Variants in XIRP2 observed in about 807,000 individuals in gnomAD.
XIRP2 encodes the protein xin actin binding repeat containing 2, also known as xin actin-binding repeat-containing protein 2.
Under a neutral mutation model 277.0 loss-of-function variants are expected in XIRP2, and 236 were observed. The ratio of observed to expected loss-of-function variants is 0.85; its 90% CI spans 0.77 to 0.95. XIRP2 has a LOEUF of 0.95. XIRP2 is among the 40% of genes least tolerant of loss of function. XIRP2 has a pLI of 0.00. For missense variants in XIRP2, 4,640 were observed against 4,157.5 expected (o/e 1.12, Z -3.19); for synonymous variants, 1,490 against 1,416.5 (o/e 1.05, Z -1.17).
chr2:167,010,872 G>T (rs548726765), intron 2 of XIRP2, among the ~76,000 whole-genome samples: 4 of 152,054 alleles, frequency 2.6e-5, no homozygotes, highest in Non-Finnish European at 4.4e-5. Flanking sequence ...CTCTCTGTTT[G>T]TCTGTTATTG....
chr2:167,093,306 A>T (rs1174208795), intron 2 of XIRP2, among the ~76,000 whole-genome samples: 1 of 151,718 alleles, frequency 6.6e-6, no homozygotes, highest in Non-Finnish European at 1.5e-5. Context: ...AGATGTACAT[A>T]AGTTTGTGTT....
Position 166,939,694 on chromosome 2 carries a change from A to C in XIRP2, c.408+35804A>C, listed in dbSNP as rs563734882. ...GACTCCATCACAAAAAAAAAAAAAA[A>C]AAAACAAAAAACAAAAACAAAAAAC... is the stretch of plus-strand genomic sequence containing the variant. On this transcript the variant is annotated intron_variant, in intron 2 of 10. Transcript: ENST00000409195. 1.0e-3 allele frequency among the ~76,000 whole-genome samples: 139 copies of C among 134,652 alleles called. 2 individuals carry two copies. Among genetic ancestry groups the C allele is most frequent in the African/African-American group, 3.3e-3 (119 of 35,876 alleles). The allele number at this position is 134,652 out of a possible 152,430, so 88.3% of individuals were successfully genotyped here.
intron 2 of XIRP2, among the ~76,000 whole-genome samples, chr2:166,913,381 T>C (rs1397900739): frequency 6.7e-6 from 1 of 149,740 alleles, no homozygotes; most frequent in Non-Finnish European, 1.5e-5. Flanking sequence ...TGAGTGAGGC[T>C]CCGTGGGCGT....
In XIRP2 at chr2:166,967,190, T is replaced by A. The variant is rs537409421; in HGVS notation, c.408+63300T>A. On this transcript the variant is annotated intron_variant, in intron 2 of 10. Transcript: ENST00000409195. ...ACCATAGTAAAGAAAACACTACAAA[T>A]AAATAAAATAAAACGTTTGCTGAAT... 2.9e-3 allele frequency among the ~76,000 whole-genome samples: 442 copies of A among 151,776 alleles called. 3 individuals are homozygous for A. The highest frequency in any genetic ancestry group is 9.8e-3 in the African/African-American group (407 of 41,442).
chr2:166,935,267 AT>A (rs751892180), intron 2 of XIRP2, among the ~76,000 whole-genome samples: 35 of 152,238 alleles, frequency 2.3e-4, no homozygotes, highest in Non-Finnish European at 4.4e-4. Context: ...ATCTAATGTT[AT>A]AAAAATGCAA....
chr2:166,956,382 T>C (rs1334355350), intron 2 of XIRP2, among the ~76,000 whole-genome samples: 1 of 151,846 alleles, frequency 6.6e-6, no homozygotes, highest in Admixed American at 6.6e-5. Context: ...CCTGGTGTCA[T>C]TTAACTAAGT....
intron 2 of XIRP2, among the ~76,000 whole-genome samples, chr2:167,121,127 G>C (rs1385893532): frequency 6.6e-6 from 1 of 152,122 alleles, no homozygotes; most frequent in African/African-American, 2.4e-5. Flanking sequence ...ACATAGGTCT[G>C]ATATCTTCCA....
In XIRP2 at chr2:167,037,519, GT is replaced by G. The variant is rs1450655855; in HGVS notation, c.409-98389del. 7.1e-3 allele frequency among the ~76,000 whole-genome samples: 546 copies of G among 76,422 alleles called. 4 individuals are homozygous for G. Among genetic ancestry groups the G allele is most frequent in the African/African-American group, 0.025 (499 of 20,212 alleles). The allele number at this position is 76,422 out of a possible 152,430, so 50.1% of individuals were successfully genotyped here. A position where few individuals can be genotyped will look rare whatever the true frequency, so the allele number is the denominator to read the frequency against. ...GGCTTGAGGTTTTTTCATGTGGGGG[GT>G]GTGTGTGTGTGTGTGTGTGTGTGTG... On this transcript the variant is annotated intron_variant, in intron 2 of 10. Coordinates refer to ENST00000409195, the MANE Select transcript of XIRP2 (RefSeq NM_152381.6).
Position 167,244,059 on chromosome 2 carries a change from C to T in XIRP2, c.2667C>T (p.Asp889=). ...CACTTCCAATTGAAGCATTAAAAGACAGTCCTGATATAGGAAAGCTTCAAA... is the reference window on the plus strand; with the variant it reads ...CACTTCCAATTGAAGCATTAAAAGATAGTCCTGATATAGGAAAGCTTCAAA... ...FETLPIEALK[D]SPDIGKLQKI... Residue 889 remains aspartate, a synonymous_variant, in exon 9 of 11, where the codon GAC becomes GAT. Coordinates refer to ENST00000409195, the MANE Select transcript of XIRP2 (RefSeq NM_152381.6). 6.2e-7 allele frequency: 1 copy of T among 1,613,814 alleles called. No individual in the cohort carries two copies. Among genetic ancestry groups the T allele is most frequent in the Non-Finnish European group, 8.5e-7 (1 of 1,179,892 alleles).
In XIRP2 at chr2:166,903,738, A is replaced by G; in HGVS notation, c.256A>G (p.Asn86Asp). 1 of 1,613,642 alleles carries G rather than the reference A, an allele frequency of 6.2e-7. No individual in the cohort carries two copies. Among genetic ancestry groups the G allele is most frequent in the South Asian group, 1.1e-5 (1 of 91,078 alleles). ...GAAGGATTCTGTGGACAAGAGTAAC[A>G]ACACCAGGGAATATGGTCGGCCAGA... ...EEKDSVDKSNNTREYGRPEVL... is the reference protein window; with the variant it reads ...EEKDSVDKSNDTREYGRPEVL... Residue 86 changes from asparagine (N) to aspartate (D), a missense_variant, in exon 2 of 11, where the codon AAC becomes GAC. Physicochemically the swap from Asn to Asp is conservative, Grantham distance 23. Transcript: ENST00000409195.
At position 167,225,732 on chromosome 2, in the gene XIRP2, TAGAC is replaced by T. The variant is rs1470506776; in HGVS notation, c.858+7436_858+7439del. On this transcript the variant is annotated intron_variant, in intron 5 of 10. Coordinates refer to ENST00000409195, the MANE Select transcript of XIRP2 (RefSeq NM_152381.6). ...TCAAGAGGCATATAAATAAGGCTCATAGACAGATTAGATTCAGCAGTCTTACTCT... is the reference window on the plus strand; with the variant it reads ...TCAAGAGGCATATAAATAAGGCTCATAGATTAGATTCAGCAGTCTTACTCT... Among the ~76,000 whole-genome samples, 8 of 152,260 alleles carry T rather than the reference TAGAC, an allele frequency of 5.3e-5. No individual in the cohort carries two copies. In the South Asian group the frequency reaches 1.7e-3, roughly 32 times the overall value.
chr2:167,059,101 C>CTTTTTTTTT (rs572437575), intron 2 of XIRP2, among the ~76,000 whole-genome samples: 10 of 95,966 alleles, frequency 1.0e-4, no homozygotes, highest in East Asian at 3.2e-4. Context: ...TTTTTTTTCT[C>CTTTTTTTTT]TTTTTTTTTT....
chr2:166,928,637 T>A (rs1339345958), intron 2 of XIRP2, among the ~76,000 whole-genome samples: 5 of 152,166 alleles, frequency 3.3e-5, no homozygotes, highest in Non-Finnish European at 7.4e-5. Context: ...TAATTTCTTA[T>A]CTTAATTTCT....
intron 2 of XIRP2, among the ~76,000 whole-genome samples, chr2:166,975,322 A>T (rs1028654432): frequency 6.6e-6 from 1 of 152,206 alleles, no homozygotes. Flanking sequence ...GTGGAACAAT[A>T]CTTCAAACAA....
intron 2 of XIRP2, among the ~76,000 whole-genome samples, chr2:167,013,180 T>A (rs900325676): frequency 3.3e-5 from 5 of 151,518 alleles, no homozygotes; most frequent in Admixed American, 1.3e-4. Context: ...TTAATCAGTT[T>A]ATCAATATAT....
At chr2:166,976,630 C>A (rs976006120) in intron 2 of XIRP2, among the ~76,000 whole-genome samples, 6 of 152,140 alleles carry the variant, frequency 3.9e-5, no homozygotes, top group African/African-American at 1.4e-4. Flanking sequence ...AGTATAACTT[C>A]ATATGTGAAC....
At chr2:166,949,519 T>C (rs1473311890) in intron 2 of XIRP2, among the ~76,000 whole-genome samples, 1 of 152,090 alleles carries the variant, frequency 6.6e-6, no homozygotes. Context: ...TGAGGGGTTT[T>C]GCCTTTTCTT....
chr2:166,908,654 C>T lies in XIRP2; in HGVS notation c.408+4764C>T, dbSNP rs1425173886. The stretch of plus-strand genomic sequence containing the variant: ...ATTTGTCAATTTTGGCTTTTGTTGC[C>T]ACTGCTTTTGGTGTTTTAGACATGA... On this transcript the variant is annotated intron_variant, in intron 2 of 10. Transcript: ENST00000409195. 9.2e-5 allele frequency among the ~76,000 whole-genome samples: 14 copies of T among 152,172 alleles called. 1 individual carries two copies. The Middle Eastern group carries it at 0.014, about 148-fold the overall frequency.
chr2:167,195,393 C>T (rs1693469356), intron 3 of XIRP2, among the ~76,000 whole-genome samples: 1 of 152,190 alleles, frequency 6.6e-6, no homozygotes, highest in Non-Finnish European at 1.5e-5. Flanking sequence ...AATATATTCT[C>T]TCTGATCACA....
Sources: allele counts gnomAD v4.1 joint callset (sites outside exome capture counted in the v4.1 genomes callset), GRCh38; gene constraint gnomAD v4.1.1; transcripts MANE v1.5; gene names NCBI Gene and HGNC (gene_info 2026-07-23, HGNC 2026-07-21).